The following RIGI variants were observed in gnomAD, a reference collection of about 807,000 sequenced individuals.
The protein encoded by RIGI is antiviral innate immune response receptor RIG-I.
the RIGI span, among the ~76,000 whole-genome samples, chr9:32,457,844 G>A: frequency 2.6e-4 from 39 of 152,296 alleles, no homozygotes; most frequent in Admixed American, 1.5e-3. Context: ...GAAGGTCAGG[G>A]ACTAATGTGT....
chr9:32,513,611 A>C, the RIGI span, among the ~76,000 whole-genome samples: 1 of 152,224 alleles, frequency 6.6e-6, no homozygotes, highest in Non-Finnish European at 1.5e-5. Context: ...GTAAGACCTA[A>C]AACCATAAAG....
At chr9:32,479,836 C>CAA in the RIGI span, among the ~76,000 whole-genome samples, 28 of 111,660 alleles carry the variant, frequency 2.5e-4, no homozygotes, top group East Asian at 2.7e-3. Context: ...GACTCCATCT[C>CAA]AAAAAAAAAA....
At chr9:32,512,750 T>C in the RIGI span, among the ~76,000 whole-genome samples, 1 of 152,114 alleles carries the variant, frequency 6.6e-6, no homozygotes, top group Non-Finnish European at 1.5e-5. Context: ...AAATAAAGGG[T>C]ATTCAATTAG....
chr9:32,514,292 A>T, the RIGI span, among the ~76,000 whole-genome samples: 1 of 152,184 alleles, frequency 6.6e-6, no homozygotes, highest in South Asian at 2.1e-4. Context: ...GTCTTGCGGC[A>T]TTGTTCACAA....
At chr9:32,481,366 G>T in the RIGI span, 7 of 1,613,394 alleles carry the variant, frequency 4.3e-6, no homozygotes, top group East Asian at 2.2e-5. Context: ...TATAAAAACA[G>T]GGCTTTACAA....
chr9:32,496,877 G>C, the RIGI span, among the ~76,000 whole-genome samples: 4 of 152,126 alleles, frequency 2.6e-5, no homozygotes, highest in African/African-American at 9.7e-5. Flanking sequence ...GCATATACTT[G>C]AGAATTTATT....
the RIGI span, among the ~76,000 whole-genome samples, chr9:32,499,476 A>C: frequency 6.6e-6 from 1 of 151,194 alleles, no homozygotes; most frequent in Non-Finnish European, 1.5e-5. Flanking sequence ...TTTAAATTTG[A>C]GAAGGAGTTT....
chr9:32,514,566 G>A, the RIGI span, among the ~76,000 whole-genome samples: 15 of 152,194 alleles, frequency 9.9e-5, no homozygotes, highest in African/African-American at 3.1e-4. Flanking sequence ...CACACACTGG[G>A]GCCTGTTGGG....
chr9:32,473,044 C>T, the RIGI span: 1 of 1,608,326 alleles, frequency 6.2e-7, no homozygotes, highest in Admixed American at 1.7e-5. Context: ...TTAGGATTTC[C>T]TTCAATCCAA....
chr9:32,495,350 C>T, the RIGI span, among the ~76,000 whole-genome samples: 23 of 151,250 alleles, frequency 1.5e-4, no homozygotes, highest in East Asian at 4.0e-4. Context: ...TACAGGCACC[C>T]GCCACCGCAC....
At chr9:32,516,737 A>C in the RIGI span, among the ~76,000 whole-genome samples, 1 of 152,128 alleles carries the variant, frequency 6.6e-6, no homozygotes, top group African/African-American at 2.4e-5. Flanking sequence ...TACTCTAGAG[A>C]GCGTGTTTGT....
chr9:32,458,028 G>A, the RIGI span, among the ~76,000 whole-genome samples: 2 of 152,188 alleles, frequency 1.3e-5, no homozygotes, highest in Non-Finnish European at 2.9e-5. Flanking sequence ...ACTTAGAAAG[G>A]TAAGGGAACT....
the RIGI span, among the ~76,000 whole-genome samples, chr9:32,503,526 T>C: frequency 1.3e-4 from 20 of 152,178 alleles, no homozygotes; most frequent in Non-Finnish European, 1.5e-4. Context: ...CTAAAGCTCT[T>C]TATTGACTAC....
chr9:32,526,196 C>A, the RIGI span: 2 of 1,581,182 alleles, frequency 1.3e-6, no homozygotes, highest in South Asian at 2.2e-5. Context: ...TAGCTACGTT[C>A]CCCGCAGGCT....
At chr9:32,521,308 A>C in the RIGI span, among the ~76,000 whole-genome samples, 1 of 152,166 alleles carries the variant, frequency 6.6e-6, no homozygotes, top group African/African-American at 2.4e-5. Context: ...TAATATTGAC[A>C]TAAAATATTT....
the RIGI span, among the ~76,000 whole-genome samples, chr9:32,469,301 C>A: frequency 1.3e-5 from 2 of 152,186 alleles, no homozygotes; most frequent in Non-Finnish European, 2.9e-5. Context: ...TTAGATTACA[C>A]TGATTTATAC....
the RIGI span, chr9:32,466,341 AT>A: frequency 1.2e-6 from 2 of 1,613,668 alleles, no homozygotes; most frequent in African/African-American, 2.7e-5. Context: ...AAATAGAGTC[AT>A]TCATCATTTT....
chr9:32,489,466 G>A, the RIGI span: 23 of 1,563,230 alleles, frequency 1.5e-5, no homozygotes, highest in South Asian at 2.1e-4. Context: ...AATACAAAAG[G>A]AGCAAAATTA....
the RIGI span, among the ~76,000 whole-genome samples, chr9:32,503,399 T>C: frequency 2.6e-5 from 4 of 152,116 alleles, no homozygotes; most frequent in African/African-American, 9.7e-5. Context: ...CAAAACTTCA[T>C]CTTTGACAGT....
Sources: gnomAD v4.1 joint callset for allele counts (sites outside exome capture counted in the v4.1 genomes callset) on GRCh38, gnomAD v4.1.1 for gene constraint, MANE v1.5 for transcripts, NCBI Gene and HGNC (gene_info 2026-07-23, HGNC 2026-07-21) for gene names.